Variants in UBR3 observed in about 807,000 individuals in gnomAD.
UBR3 encodes ubiquitin protein ligase E3 component n-recognin 3, also known as E3 ubiquitin-protein ligase UBR3.
UBR3 carries 85 observed loss-of-function variants against 243.2 expected under a neutral mutation model. The observed-to-expected ratio is 0.35, with a 90% CI of 0.29 to 0.42. UBR3 has a LOEUF of 0.42. Among genes scored for constraint, UBR3 ranks in the 10% least tolerant of loss-of-function variants. The probability of loss-of-function intolerance (pLI) is 1.00; values close to 1 mark genes in which losing one functional copy is unlikely to be tolerated. For synonymous variants in UBR3, 748 were observed against 799.8 expected (o/e 0.94, Z 1.09); for missense variants, 1,686 against 2,300.8 (o/e 0.73, Z 5.47).
chr2:169,899,849 A>T (rs576840583), intron 8 of UBR3, among the ~76,000 whole-genome samples: 38 of 152,276 alleles, frequency 2.5e-4, no homozygotes, highest in African/African-American at 8.7e-4. Flanking sequence ...TTATGGCTGC[A>T]ATAGTATTCC....
intron 25 of UBR3, 125 bp downstream of exon 25, chr2:169,986,919 T>G: frequency 1.0e-6 from 1 of 966,384 alleles, no homozygotes; most frequent in East Asian, 2.7e-5. Flanking sequence ...AGGGTCAGTT[T>G]AGATCCAAAT....
chr2:169,883,062 C>T (rs1430412527), intron 5 of UBR3, among the ~76,000 whole-genome samples: 1 of 152,130 alleles, frequency 6.6e-6, no homozygotes, highest in African/African-American at 2.4e-5. Context: ...TTGCCCAAAG[C>T]TTTATGTCTT....
intron 1 of UBR3, among the ~76,000 whole-genome samples, chr2:169,845,094 A>C (rs1173925895): frequency 6.6e-6 from 1 of 152,030 alleles, no homozygotes; most frequent in African/African-American, 2.4e-5. Flanking sequence ...ATTTTCTGTG[A>C]TCTCCTCTTT....
At position 169,896,528 on chromosome 2, in the gene UBR3, G is replaced by A; in HGVS notation, c.1258G>A (p.Val420Ile). ...EYKVAFTKTF[V>I]QHYAFIMKTL... ...ACAGGTTGCTTTTACAAAAACTTTT[G>A]TTCAGCATTATGCTTTCATTATGAA... Residue 420 changes from valine (V) to isoleucine (I), a missense_variant, in exon 8 of 39, where the codon GTT becomes ATT. Coordinates refer to ENST00000272793, the MANE Select transcript of UBR3 (RefSeq NM_172070.4). 5 of 1,533,206 alleles carry A rather than the reference G, an allele frequency of 3.3e-6. No individual in the cohort carries two copies. The highest frequency in any genetic ancestry group is 4.4e-6 in the Non-Finnish European group (5 of 1,135,814). 95.0% of individuals were successfully genotyped at this position (1,533,206 alleles called of 1,614,324 possible).
chr2:169,842,079 A>G (rs2082313623), intron 1 of UBR3, among the ~76,000 whole-genome samples: 1 of 152,074 alleles, frequency 6.6e-6, no homozygotes, highest in Non-Finnish European at 1.5e-5. Flanking sequence ...GTTTAGCTCA[A>G]GGTTTGTGAG....
chr2:169,827,734 CGGCCGGAGGCGGG>C lies in UBR3; in HGVS notation c.231_243del (p.Gly78ValfsTer96). 8.1e-7 allele frequency: 1 copy of C among 1,236,942 alleles called. No homozygotes were observed. The highest frequency in any genetic ancestry group is 1.0e-6 in the Non-Finnish European group (1 of 992,946). 76.6% of individuals were successfully genotyped at this position (1,236,942 alleles called of 1,614,324 possible). On this transcript the variant is annotated frameshift_variant, in exon 1 of 39. Coordinates refer to ENST00000272793, the MANE Select transcript of UBR3 (RefSeq NM_172070.4). LOFTEE classifies it high-confidence loss of function. ...GCTGCCGGCGGCGAGGACGCGGCGG[CGGCCGGAGGCGGG>C]GGCGGTCCGGGGGCGGCCGAGGAGG...
chr2:169,977,550 G>C (rs768680773), intron 24 of UBR3, among the ~76,000 whole-genome samples: 1 of 152,186 alleles, frequency 6.6e-6, no homozygotes, highest in Non-Finnish European at 1.5e-5. Context: ...CAAAGAACCT[G>C]TGTCAAATGT....
intron 27 of UBR3, among the ~76,000 whole-genome samples, chr2:170,003,185 A>G (rs1432413953): frequency 6.6e-6 from 1 of 152,196 alleles, no homozygotes; most frequent in Non-Finnish European, 1.5e-5. Context: ...CATCTTGATT[A>G]TAGGAATTGC....
At chr2:169,836,069 T>TA (rs1558999210) in intron 1 of UBR3, among the ~76,000 whole-genome samples, 19 of 50,456 alleles carry the variant, frequency 3.8e-4, no homozygotes, top group African/African-American at 1.1e-3. Context: ...ATATATATAT[T>TA]TTTTTTTTTT....
intron 30 of UBR3, among the ~76,000 whole-genome samples, chr2:170,028,123 T>C (rs1049738128): frequency 2.6e-5 from 4 of 151,974 alleles, no homozygotes; most frequent in African/African-American, 7.2e-5. Context: ...TAGATTCCTC[T>C]GTTCGTTATA....
At chr2:169,855,325 A>C (rs939070486) in intron 1 of UBR3, among the ~76,000 whole-genome samples, 1 of 152,028 alleles carries the variant, frequency 6.6e-6, no homozygotes, top group Non-Finnish European at 1.5e-5. Context: ...AGTATCCATT[A>C]CTTTTTATTT....
rs1389944594 is a variant in UBR3 at position 170,083,331 on chromosome 2, C to T, written c.*1488C>T. 2.0e-5 allele frequency: 3 copies of T among 152,636 alleles called. No individual in the cohort carries two copies. The East Asian group carries it at 5.8e-4, about 29-fold the overall frequency. 9.5% of individuals were successfully genotyped at this position (152,636 alleles called of 1,614,324 possible). The stretch of plus-strand genomic sequence containing the variant: ...TTCAGAAAGTCAAAAGATTACCTAT[C>T]GTTCTACAATAAAATACATGGAAAT... On this transcript the variant is annotated 3_prime_UTR_variant, in exon 39 of 39. Coordinates refer to ENST00000272793, the MANE Select transcript of UBR3 (RefSeq NM_172070.4).
chr2:170,002,938 T>TA (rs2089767315), intron 27 of UBR3, among the ~76,000 whole-genome samples: 1 of 152,110 alleles, frequency 6.6e-6, no homozygotes, highest in Non-Finnish European at 1.5e-5. Flanking sequence ...ACTGAAGCCT[T>TA]ACGCTCCTGA....
chr2:169,921,268 A>C (rs954731585), intron 11 of UBR3, among the ~76,000 whole-genome samples: 1 of 152,194 alleles, frequency 6.6e-6, no homozygotes, highest in Non-Finnish European at 1.5e-5. Flanking sequence ...CCTGAATGTA[A>C]GATTTGGAGT....
intron 19 of UBR3, among the ~76,000 whole-genome samples, chr2:169,940,548 G>A (rs192952026): frequency 1.3e-3 from 195 of 152,170 alleles, no homozygotes; most frequent in African/African-American, 4.3e-3. Context: ...TATTCTAAGC[G>A]CTGTTAAAAT....
intron 1 of UBR3, among the ~76,000 whole-genome samples, chr2:169,851,909 G>A (rs1358675095): frequency 1.3e-5 from 2 of 151,450 alleles, no homozygotes; most frequent in African/African-American, 4.8e-5. Flanking sequence ...AGTGTGCACC[G>A]AATAAATATT....
At chr2:169,895,656 A>G (rs941562423) in intron 7 of UBR3, among the ~76,000 whole-genome samples, 2 of 152,234 alleles carry the variant, frequency 1.3e-5, no homozygotes, top group African/African-American at 4.8e-5. Flanking sequence ...ACAAGGTGCT[A>G]TAAGAATGTT....
chr2:169,910,958 A>G (rs2085230388), intron 10 of UBR3, among the ~76,000 whole-genome samples: 1 of 152,194 alleles, frequency 6.6e-6, no homozygotes, highest in Admixed American at 6.5e-5. Flanking sequence ...ACTATTATTT[A>G]TAGGAAAAAA....
intron 24 of UBR3, among the ~76,000 whole-genome samples, chr2:169,959,604 A>G (rs1046097295): frequency 2.0e-5 from 3 of 152,116 alleles, no homozygotes; most frequent in Non-Finnish European, 4.4e-5. Flanking sequence ...TATATATGAA[A>G]GGGAGTTTAC....
Sources: allele counts gnomAD v4.1 joint callset (sites outside exome capture counted in the v4.1 genomes callset), GRCh38; gene constraint gnomAD v4.1.1; transcripts MANE v1.5; gene names NCBI Gene and HGNC (gene_info 2026-07-23, HGNC 2026-07-21).